Variants in CACNA1H observed in about 807,000 individuals in gnomAD.
The protein encoded by CACNA1H is calcium voltage-gated channel subunit alpha1 H, also known as voltage-dependent T-type calcium channel subunit alpha-1H.
Under a neutral mutation model 192.5 loss-of-function variants are expected in CACNA1H, and 149 were observed. The ratio of observed to expected loss-of-function variants is 0.77; its 90% confidence interval spans 0.68 to 0.89. The LOEUF is 0.89. Among genes scored for constraint, CACNA1H ranks in the 40% least tolerant of loss-of-function variants. CACNA1H has a pLI of 0.00. For synonymous variants in CACNA1H, 2,202 were observed against 1,475.2 expected (o/e 1.49, Z -11.29); for missense variants, 4,257 against 3,423.5 (o/e 1.24, Z -6.08).
chr16:1,204,055 G>C lies in CACNA1H; in HGVS notation c.2048G>C (p.Cys683Ser). 1 of 1,591,920 alleles carries C rather than the reference G, an allele frequency of 6.3e-7. No homozygotes were observed. Among genetic ancestry groups the C allele is most frequent in the Admixed American group, 1.7e-5 (1 of 57,482 alleles). Residue 683 changes from cysteine to serine, a missense_variant, in exon 10 of 35, where the codon TGC (cysteine) becomes TCC (serine). By Grantham distance (112) the Cys-to-Ser change is moderately radical. Transcript: ENST00000348261. ...CATCTGTCGGGCCTCAGTGTGCCCT[G>C]CCCCCTGCCCAGCCCCCCAGCGGGC... ...PGHLSGLSVP[C>S]PLPSPPAGTL...
At chr16:1,211,337 C>G in intron 22 of CACNA1H, 43 bp downstream of exon 22, 1 of 1,610,716 alleles carries the variant, frequency 6.2e-7, no homozygotes, top group Non-Finnish European at 8.5e-7. Context: ...CCGTCGCAGA[C>G]AGGGTCTGCC....
At chr16:1,179,475 G>A (rs187474702) in intron 2 of CACNA1H, among the ~76,000 whole-genome samples, 285 of 152,210 alleles carry the variant, frequency 1.9e-3, no homozygotes, top group Non-Finnish European at 3.2e-3. Flanking sequence ...TGTGTGTGTC[G>A]TTGTTGTTGC....
chr16:1,184,746 G>A (rs999458015), intron 2 of CACNA1H, among the ~76,000 whole-genome samples: 1 of 152,220 alleles, frequency 6.6e-6, no homozygotes, highest in Admixed American at 6.5e-5. Flanking sequence ...CCATGTGCCG[G>A]GTCTCAATTC....
In CACNA1H at chr16:1,212,047, G is replaced by A; in HGVS notation, c.4668G>A (p.Glu1556=). 5.0e-6 allele frequency: 8 copies of A among 1,613,326 alleles called. No homozygotes were observed. The highest frequency in any genetic ancestry group is 1.1e-5 in the South Asian group (1 of 91,082). ...VLNMFVGVVV[E]NFHKCRQHQE... Reference sequence around the variant, plus strand: ...ACATGTTCGTGGGCGTCGTGGTCGAGAACTTCCACAAGTGCCGGCAGCACC... The same window carrying A: ...ACATGTTCGTGGGCGTCGTGGTCGAAAACTTCCACAAGTGCCGGCAGCACC... Residue 1556 remains glutamate (E), a synonymous_variant, in exon 25 of 35, where the codon GAG becomes GAA. Transcript: ENST00000348261.
rs1161797192 is a variant in CACNA1H at position 1,198,789 on chromosome 16, C to T, written c.803+15C>T. 2 of 1,602,732 alleles carry T rather than the reference C, an allele frequency of 1.2e-6. No homozygotes were observed. The highest frequency in any genetic ancestry group is 2.2e-5 in the South Asian group (2 of 90,638). ...GCCTTTGTCAGGTGCCCAGGCCCCACCCCCGTGAGGCCCCTGCCCAGATGG... is the reference window on the plus strand; with the variant it reads ...GCCTTTGTCAGGTGCCCAGGCCCCATCCCCGTGAGGCCCCTGCCCAGATGG... On this transcript the variant is annotated intron_variant, in intron 6 of 34. Transcript: ENST00000348261.
intron 2 of CACNA1H, among the ~76,000 whole-genome samples, chr16:1,170,361 C>T (rs1217070921): frequency 3.3e-5 from 5 of 152,158 alleles, no homozygotes; most frequent in Non-Finnish European, 7.4e-5. Context: ...ACGGAGCCAG[C>T]GGGACAGGGC....
intron 1 of CACNA1H, 43 bp from the exon 2 acceptor site, chr16:1,153,677 G>C: frequency 8.8e-7 from 1 of 1,137,988 alleles, no homozygotes; most frequent in South Asian, 4.5e-5. Flanking sequence ...AGGCAGGGCG[G>C]GGGCGTCGCC....
At position 1,212,258 on chromosome 16, in the gene CACNA1H, C is replaced by A. The variant is rs1969539787; in HGVS notation, c.4759+120C>A. The A allele has an allele frequency of 7.9e-6, 11 of 1,395,000 alleles. No homozygotes were observed. In the South Asian group the frequency reaches 1.2e-4, roughly 15 times the overall value. 86.4% of individuals were successfully genotyped at this position (1,395,000 alleles called of 1,614,324 possible). ...ATGGCTCTGCACGCCACCCGCCTTG[C>A]CTGGGCCTGCATGGGGGCTGGGCCT... is the stretch of plus-strand genomic sequence containing the variant. On this transcript the variant is annotated intron_variant, in intron 25 of 34. Coordinates refer to ENST00000348261, the MANE Select transcript of CACNA1H (RefSeq NM_021098.3).
intron 2 of CACNA1H, among the ~76,000 whole-genome samples, chr16:1,190,777 G>A (rs969120671): frequency 7.1e-6 from 1 of 140,404 alleles, no homozygotes; most frequent in Non-Finnish European, 1.5e-5. Flanking sequence ...TGGGGGAAGG[G>A]GAGGCAGAGG....
chr16:1,214,785 G>A (rs556157716), intron 27 of CACNA1H, among the ~76,000 whole-genome samples, 187 bp from the exon 28 acceptor site: 1 of 152,260 alleles, frequency 6.6e-6, no homozygotes, highest in East Asian at 1.9e-4. Flanking sequence ...GACACTTACG[G>A]AGCACTTCCT....
Position 1,218,455 on chromosome 16 carries a change from C to G in CACNA1H, c.5691C>G (p.Asp1897Glu). 3 of 1,551,786 alleles carry G rather than the reference C, an allele frequency of 1.9e-6. No individual in the cohort carries two copies. Among genetic ancestry groups the G allele is most frequent in the Non-Finnish European group, 2.6e-6 (3 of 1,148,036 alleles). The change falls in exon 33 of 35, where the codon GAC (aspartate) becomes GAG (glutamate). Residue 1897 changes from aspartate (D) to glutamate (E), a missense_variant. Transcript: ENST00000348261. ...GPGSARRVDA[D>E]RPPLPQESPG... ...GGAGTGCACGCCGGGTGGACGCGGA[C>G]AGGCCTCCCTTGCCCCAGGAGAGTC...
In CACNA1H at chr16:1,202,361, C is replaced by T. The variant is rs539497900; in HGVS notation, c.1911C>T (p.Ala637=). 8.4e-5 allele frequency: 132 copies of T among 1,563,220 alleles called. 1 individual carries two copies. Among genetic ancestry groups the T allele is most frequent in the Middle Eastern group, 1.7e-4 (1 of 6,008 alleles). ...STSPGPKGKW[A]GGPPGTGGHG... Reference sequence around the variant, plus strand: ...GCCCCGGACCCAAGGGGAAGTGGGCCGGTGGACCGCCAGGCACCGGGGGGC... The same window carrying T: ...GCCCCGGACCCAAGGGGAAGTGGGCTGGTGGACCGCCAGGCACCGGGGGGC... The change falls in exon 9 of 35, where the codon GCC becomes GCT. Residue 637 remains alanine, a synonymous_variant. Coordinates refer to ENST00000348261, the MANE Select transcript of CACNA1H (RefSeq NM_021098.3).
chr16:1,200,157 C>A, intron 6 of CACNA1H, 99 bp from the exon 7 acceptor site: 1 of 964,552 alleles, frequency 1.0e-6, no homozygotes, highest in Non-Finnish European at 1.5e-6. Context: ...CTGATCACGT[C>A]CCTGACCTTG....
chr16:1,165,086 GC>G (rs1362135352), intron 2 of CACNA1H, among the ~76,000 whole-genome samples: 3 of 152,188 alleles, frequency 2.0e-5, no homozygotes, highest in Admixed American at 2.0e-4. Context: ...CAAGGAGGGG[GC>G]TGATGGGGCA....
At position 1,220,652 on chromosome 16, in the gene CACNA1H, CG is replaced by C. The variant is rs753624103; in HGVS notation, c.6727del (p.Asp2243ThrfsTer19). ...TGGAGCCCACAGAGGGCTCAGGCGC[CG>C]GGGGGGACCCTGCAGCCAAGGGGGA... ...SLEPTEGSGA[G>X]GDPAAKGERW... is the part of the protein sequence containing the mutation. On this transcript the variant is annotated frameshift_variant, in exon 35 of 35. Transcript: ENST00000348261. LOFTEE classifies it low-confidence loss of function (END_TRUNC). The C allele has an allele frequency of 1.2e-5, 20 of 1,603,858 alleles. No individual in the cohort carries two copies. In the East Asian group the frequency reaches 1.6e-4, roughly 13 times the overall value.
At chr16:1,213,970 G>A (rs776628750) in intron 27 of CACNA1H, 39 bp downstream of exon 27, 39 of 1,564,020 alleles carry the variant, frequency 2.5e-5, no homozygotes, top group Non-Finnish European at 3.0e-5. Flanking sequence ...AGGGGCTGGG[G>A]CACCCCCAGT....
chr16:1,190,029 A>G (rs11864934), intron 2 of CACNA1H, among the ~76,000 whole-genome samples: 201 of 152,296 alleles, frequency 1.3e-3, no homozygotes, highest in African/African-American at 4.6e-3. Flanking sequence ...GTCCAGGGAG[A>G]TGAAGGAGGG....
chr16:1,179,379 T>G (rs1965235804), intron 2 of CACNA1H, among the ~76,000 whole-genome samples: 2 of 152,254 alleles, frequency 1.3e-5, no homozygotes, highest in South Asian at 4.1e-4. Context: ...TGGACTCTCC[T>G]GCCCCCGCGA....
At chr16:1,211,906 C>G (rs565821364) in intron 24 of CACNA1H, 40 bp from the exon 25 acceptor site, 1 of 1,610,390 alleles carries the variant, frequency 6.2e-7, no homozygotes, top group South Asian at 1.1e-5. Flanking sequence ...GGGCCCCTGG[C>G]GGGGCAGGCG....
Sources: allele counts gnomAD v4.1 joint callset (sites outside exome capture counted in the v4.1 genomes callset), GRCh38; gene constraint gnomAD v4.1.1; transcripts MANE v1.5; gene names NCBI Gene and HGNC (gene_info 2026-07-23, HGNC 2026-07-21).